PCDHGA1: variants seen among roughly 807,000 people sequenced by gnomAD.
The protein encoded by PCDHGA1 is protocadherin gamma subfamily A, 1.
A neutral mutation model predicts 58.0 loss-of-function variants in PCDHGA1; 32 were observed. That is an observed-to-expected ratio of 0.55 (90% CI 0.42 to 0.74). The LOEUF (loss-of-function observed/expected upper bound fraction) is 0.74. Ranked by LOEUF, PCDHGA1 falls within the 30% of genes least tolerant of loss-of-function variation. PCDHGA1 has a pLI of 0.00. For missense variants in PCDHGA1, 1,205 were observed against 1,182.3 expected, an observed-to-expected ratio of 1.02 and a Z score of -0.28; for synonymous variants, 498 against 501.1, an observed-to-expected ratio of 0.99 and a Z score of 0.08.
chr5:141,450,104 T>A (rs1041853602), intron 1 of PCDHGA1, among the ~76,000 whole-genome samples: 1 of 150,664 alleles, frequency 6.6e-6, no homozygotes, highest in African/African-American at 2.5e-5. Flanking sequence ...CCTCCCAGGT[T>A]CAAATGATTC....
intron 3 of PCDHGA1, among the ~76,000 whole-genome samples, chr5:141,510,272 T>TA (rs546154379): frequency 0.17 from 22,022 of 130,294 alleles, 2,255 homozygotes; most frequent in African/African-American, 0.28. Flanking sequence ...GACTCCATCT[T>TA]AAAAAAAAAA....
intron 1 of PCDHGA1, chr5:141,422,047 A>G: frequency 6.2e-7 from 1 of 1,611,610 alleles, no homozygotes; most frequent in Non-Finnish European, 8.5e-7. Context: ...AGACGAGGGA[A>G]TCAACGGGGA....
intron 1 of PCDHGA1, chr5:141,415,910 A>G: frequency 1.3e-6 from 1 of 757,484 alleles, no homozygotes; most frequent in Non-Finnish European, 1.8e-6. Context: ...ACTTCCATAC[A>G]GAAGTGCCTG....
At chr5:141,466,280 C>T (rs1181499549) in intron 1 of PCDHGA1, among the ~76,000 whole-genome samples, 1 of 152,142 alleles carries the variant, frequency 6.6e-6, no homozygotes, top group Admixed American at 6.6e-5. Flanking sequence ...AAGCAATCTT[C>T]CCACCTCAGG....
intron 1 of PCDHGA1, chr5:141,355,804 C>G: frequency 6.2e-7 from 1 of 1,613,356 alleles, no homozygotes; most frequent in Non-Finnish European, 8.5e-7. Flanking sequence ...CGCTCTAGAT[C>G]GCGAGGAAGA....
Position 141,330,914 on chromosome 5 carries a change from T to A in PCDHGA1, c.230T>A (p.Leu77Gln), listed in dbSNP as rs959609853. Residue 77 changes from leucine to glutamine, a missense_variant, in exon 1 of 4, where the codon CTG (leucine) becomes CAG (glutamine). By Grantham distance (113) the Leu-to-Gln change is moderately radical (BLOSUM62 -2). Transcript: ENST00000517417. ...VSRGRMPLFALNPRSGSLITA... is the reference protein window; with the variant it reads ...VSRGRMPLFAQNPRSGSLITA... The stretch of plus-strand genomic sequence containing the variant: ...AGAGGTAGGATGCCGCTTTTCGCTC[T>A]GAATCCTAGAAGTGGCAGCTTGATC... The A allele has an allele frequency of 2.5e-6, 4 of 1,614,124 alleles. No homozygotes were observed. In the African/African-American group the frequency reaches 4.0e-5, roughly 16 times the overall value.
intron 1 of PCDHGA1, among the ~76,000 whole-genome samples, chr5:141,354,668 G>A (rs1759606143): frequency 6.6e-6 from 1 of 152,128 alleles, no homozygotes; most frequent in African/African-American, 2.4e-5. Context: ...TTGTCTTTAG[G>A]AGAGATAATT....
In PCDHGA1 at chr5:141,467,461, A is replaced by G. The variant is rs1330947379; in HGVS notation, c.2422-27346A>G. ...ATTACTTTTTTCTTCCAGTGCTAGT[A>G]CTTGCATGGTTTTTGGTTTCCACAT... On this transcript the variant is annotated intron_variant, in intron 1 of 3. Coordinates refer to ENST00000517417, the MANE Select transcript of PCDHGA1 (RefSeq NM_018912.3). 2.6e-5 allele frequency among the ~76,000 whole-genome samples: 4 copies of G among 152,158 alleles called. No homozygotes were observed. The South Asian group carries it at 8.3e-4, about 31-fold the overall frequency.
At chr5:141,369,953 C>T (rs1473621246) in intron 1 of PCDHGA1, among the ~76,000 whole-genome samples, 1 of 152,124 alleles carries the variant, frequency 6.6e-6, no homozygotes, top group Non-Finnish European at 1.5e-5. Context: ...ATTATCTCTG[C>T]CCTTTGACAA....
At chr5:141,384,653 G>T in intron 1 of PCDHGA1, 1 of 1,614,222 alleles carries the variant, frequency 6.2e-7, no homozygotes, top group Non-Finnish European at 8.5e-7. Context: ...GCAGAGCCCG[G>T]CTACCTGGTG....
intron 1 of PCDHGA1, chr5:141,376,117 C>G: frequency 6.2e-7 from 1 of 1,613,848 alleles, no homozygotes; most frequent in Non-Finnish European, 8.5e-7. Context: ...TGGGCAGCCT[C>G]GAGCCCTCCG....
intron 1 of PCDHGA1, chr5:141,403,999 T>C (rs1399272947): frequency 3.1e-6 from 5 of 1,613,898 alleles, no homozygotes; most frequent in Non-Finnish European, 4.2e-6. Context: ...AAGTGACCAT[T>C]ACATCTCTGT....
At chr5:141,374,922 C>T in intron 1 of PCDHGA1, 2 of 1,613,928 alleles carry the variant, frequency 1.2e-6, no homozygotes, top group Non-Finnish European at 1.7e-6. Context: ...GTAACTTATT[C>T]CTTTGTGAAG....
intron 1 of PCDHGA1, chr5:141,394,020 A>G (rs1311759353): frequency 6.2e-7 from 1 of 1,613,426 alleles, no homozygotes; most frequent in African/African-American, 1.3e-5. Context: ...TAATTATTAT[A>G]GATTAGTGAC....
intron 2 of PCDHGA1, among the ~76,000 whole-genome samples, chr5:141,504,741 T>C (rs968590796): frequency 2.6e-5 from 4 of 151,826 alleles, no homozygotes; most frequent in South Asian, 2.1e-4. Context: ...TAGGAAGCCA[T>C]TGAATTTTAG....
Position 141,486,638 on chromosome 5 carries a change from C to T in PCDHGA1, c.2422-8169C>T, listed in dbSNP as rs753730551. 5.6e-6 allele frequency: 9 copies of T among 1,613,700 alleles called. No homozygotes were observed. In the East Asian group the frequency reaches 8.9e-5, roughly 16 times the overall value. On this transcript the variant is annotated intron_variant, in intron 1 of 3. Coordinates refer to ENST00000517417, the MANE Select transcript of PCDHGA1 (RefSeq NM_018912.3). This position sits in a 1 kb window ranked among gnomAD's most constrained non-coding sequence, Gnocchi z 5.0. The stretch of plus-strand genomic sequence containing the variant: ...TGACCCAGACTCTGGCTTGAATGCG[C>T]TTATCTCCTACTCACTCCTGGAGCC...
At chr5:141,399,779 G>T in intron 1 of PCDHGA1, 2 of 1,613,282 alleles carry the variant, frequency 1.2e-6, no homozygotes, top group South Asian at 1.1e-5. Flanking sequence ...GTGGGCGACC[G>T]AAACGACAAC....
intron 1 of PCDHGA1, among the ~76,000 whole-genome samples, chr5:141,468,824 C>A (rs1288506117): frequency 6.6e-6 from 1 of 152,010 alleles, no homozygotes; most frequent in Non-Finnish European, 1.5e-5. Flanking sequence ...CAAGATCAAG[C>A]CACTGCACTC....
chr5:141,432,366 A>T lies in PCDHGA1; in HGVS notation c.2422-62441A>T. The T allele has an allele frequency of 6.2e-7, 1 of 1,614,204 alleles. No homozygotes were observed. Among genetic ancestry groups the T allele is most frequent in the Non-Finnish European group, 8.5e-7 (1 of 1,180,034 alleles). On this transcript the variant is annotated intron_variant, in intron 1 of 3. Coordinates refer to ENST00000517417, the MANE Select transcript of PCDHGA1 (RefSeq NM_018912.3). This position sits in a 1 kb window ranked among gnomAD's most constrained non-coding sequence, Gnocchi z 6.0. Reference sequence around the variant, plus strand: ...TTGCAAGTGAAAGTGATGGCGCGGGACAACGGGCACCCGCCCCTCAGCAGC... The same window carrying T: ...TTGCAAGTGAAAGTGATGGCGCGGGTCAACGGGCACCCGCCCCTCAGCAGC...
Sources: allele counts gnomAD v4.1 joint callset (sites outside exome capture counted in the v4.1 genomes callset), GRCh38; gene constraint gnomAD v4.1.1; non-coding constraint Gnocchi (gnomAD v3.1); transcripts MANE v1.5; gene names NCBI Gene and HGNC (gene_info 2026-07-23, HGNC 2026-07-21).